The following FBXO4 variants were observed in gnomAD, a reference collection of about 807,000 sequenced individuals.
The protein encoded by FBXO4 is F-box only protein 4.
In FBXO4, 36 loss-of-function variants were observed where a neutral mutation model predicts 43.7. The ratio of observed to expected loss-of-function variants is 0.82; its 90% CI spans 0.63 to 1.09. The LOEUF (loss-of-function observed/expected upper bound fraction) is 1.09. Among genes scored for constraint, FBXO4 ranks in the 50% least tolerant of loss-of-function variants. The probability of loss-of-function intolerance (pLI) is 0.00; values close to 1 mark genes in which losing one functional copy is unlikely to be tolerated. For missense variants in FBXO4, 435 were observed against 474.1 expected (o/e 0.92, Z 0.77); for synonymous variants, 180 against 165.6 (o/e 1.09, Z -0.67).
At chr5:41,977,073 T>C in the FBXO4 span, among the ~76,000 whole-genome samples, 15 of 152,194 alleles carry the variant, frequency 9.9e-5, no homozygotes, top group African/African-American at 3.6e-4. Context: ...GGGAGCAGTG[T>C]TCTGAGACTG....
chr5:41,976,257 A>G, the FBXO4 span, among the ~76,000 whole-genome samples: 1 of 152,346 alleles, frequency 6.6e-6, no homozygotes, highest in South Asian at 2.1e-4. Flanking sequence ...TGACCTGCTC[A>G]CATTTCAAAA....
the FBXO4 span, among the ~76,000 whole-genome samples, chr5:41,990,140 G>C: frequency 3.9e-5 from 6 of 152,046 alleles, no homozygotes; most frequent in African/African-American, 1.4e-4. Flanking sequence ...ATAAGTTTCC[G>C]ATTTCAATGA....
the FBXO4 span, among the ~76,000 whole-genome samples, chr5:42,006,902 ATATATATATATATATG>A: frequency 1.4e-5 from 2 of 138,954 alleles, no homozygotes; most frequent in Non-Finnish European, 3.1e-5. Context: ...ATATATATAT[ATATATATATATATATG>A]TATATACACA....
At chr5:41,980,241 C>T in the FBXO4 span, among the ~76,000 whole-genome samples, 236 of 152,156 alleles carry the variant, frequency 1.6e-3, 3 homozygotes, top group South Asian at 0.015. Flanking sequence ...AACTAAAATA[C>T]TAAGAGACAA....
chr5:41,997,604 A>G, the FBXO4 span, among the ~76,000 whole-genome samples: 1 of 152,154 alleles, frequency 6.6e-6, no homozygotes, highest in Admixed American at 6.5e-5. Flanking sequence ...CACTGGACCC[A>G]TTGTAAGTTG....
the FBXO4 span, among the ~76,000 whole-genome samples, chr5:41,953,308 C>T: frequency 2.6e-5 from 4 of 151,690 alleles, no homozygotes; most frequent in African/African-American, 9.7e-5. Flanking sequence ...CATCCATGTC[C>T]CTACAAAGGA....
chr5:41,951,490 C>T, the FBXO4 span: 9 of 245,410 alleles, frequency 3.7e-5, no homozygotes, highest in Non-Finnish European at 6.3e-5. Flanking sequence ...TAGCAGTGAA[C>T]TCAGGTGCTG....
At chr5:41,972,321 A>ATT in the FBXO4 span, among the ~76,000 whole-genome samples, 1 of 152,180 alleles carries the variant, frequency 6.6e-6, no homozygotes, top group Non-Finnish European at 1.5e-5. Flanking sequence ...ACTGAGAGCC[A>ATT]AATCAAGAAC....
chr5:41,970,663 T>C, the FBXO4 span, among the ~76,000 whole-genome samples: 13 of 151,910 alleles, frequency 8.6e-5, no homozygotes, highest in Non-Finnish European at 1.6e-4. Context: ...TAACTTAGTG[T>C]AAGAATTTAT....
downstream of FBXO4, among the ~76,000 whole-genome samples, chr5:41,943,594 C>G (rs1361367225): frequency 6.6e-6 from 1 of 151,978 alleles, no homozygotes; most frequent in African/African-American, 2.4e-5. Flanking sequence ...AATGATTATC[C>G]TGACATAAAA....
the FBXO4 span, among the ~76,000 whole-genome samples, chr5:42,004,874 G>C: frequency 2.6e-5 from 4 of 152,020 alleles, no homozygotes; most frequent in Non-Finnish European, 5.9e-5. Context: ...ATTTACAGTT[G>C]GAATGGACAC....
chr5:41,990,008 G>A, the FBXO4 span, among the ~76,000 whole-genome samples: 53 of 152,200 alleles, frequency 3.5e-4, no homozygotes, highest in African/African-American at 1.1e-3. Flanking sequence ...AGTTATTTAC[G>A]AAGTAGGATT....
the FBXO4 span, among the ~76,000 whole-genome samples, chr5:41,948,753 T>G: frequency 6.6e-6 from 1 of 152,230 alleles, no homozygotes; most frequent in African/African-American, 2.4e-5. Flanking sequence ...AATTTTTTTC[T>G]GCTATAATTT....
At chr5:41,985,986 A>G in the FBXO4 span, among the ~76,000 whole-genome samples, 1 of 152,198 alleles carries the variant, frequency 6.6e-6, no homozygotes, top group South Asian at 2.1e-4. Flanking sequence ...TTTTCTATTT[A>G]AAATTCCCGA....
intron 1 of FBXO4, 91 bp downstream of exon 1, chr5:41,925,589 C>T (rs1211385976): frequency 9.8e-7 from 1 of 1,017,406 alleles, no homozygotes; most frequent in Non-Finnish European, 1.3e-6. Context: ...GGGGAACTCT[C>T]GCGCCCCGGC....
At chr5:41,931,245 C>G (rs1008220143) in intron 3 of FBXO4, among the ~76,000 whole-genome samples, 1 of 152,158 alleles carries the variant, frequency 6.6e-6, no homozygotes, top group African/African-American at 2.4e-5. Flanking sequence ...GATCTGAACT[C>G]TAAGTCACTG....
chr5:41,954,910 T>C, the FBXO4 span, among the ~76,000 whole-genome samples: 1 of 152,216 alleles, frequency 6.6e-6, no homozygotes, highest in Non-Finnish European at 1.5e-5. Context: ...AGAGGAATTC[T>C]AGAGAAAGCA....
chr5:41,983,117 A>T, the FBXO4 span, among the ~76,000 whole-genome samples: 7 of 152,066 alleles, frequency 4.6e-5, no homozygotes, highest in African/African-American at 1.4e-4. Context: ...CCAGTCTATC[A>T]TTGATGGGCA....
At chr5:41,939,292 A>G (rs1751934216) in intron 5 of FBXO4, 149 bp from the exon 6 acceptor site, 5 of 588,336 alleles carry the variant, frequency 8.5e-6, no homozygotes, top group Non-Finnish European at 1.4e-5. Context: ...AACTGTGGAG[A>G]CATCTGAAGA....
Sources: gnomAD v4.1 joint callset for allele counts (sites outside exome capture counted in the v4.1 genomes callset) on GRCh38, gnomAD v4.1.1 for gene constraint, MANE v1.5 for transcripts, NCBI Gene and HGNC (gene_info 2026-07-23, HGNC 2026-07-21) for gene names.